ZXDB: variants seen among roughly 807,000 people sequenced by gnomAD.
ZXDB encodes the protein zinc finger X-linked duplicated B, also known as zinc finger X-linked protein ZXDB.
For missense variants in ZXDB, 413 were observed against 679.1 expected (o/e 0.61, Z 4.36); for synonymous variants, 273 against 314.3 (o/e 0.87, Z 1.39).
rs771525392 is a variant in ZXDB at position 57,592,768 on chromosome X, G to C, written c.720G>C (p.Ala240=). 3.5e-6 allele frequency: 4 copies of C among 1,149,549 alleles called. No individual in the cohort carries two copies. In the African/African-American group the frequency reaches 5.5e-5, roughly 16 times the overall value. 94.7% of individuals were successfully genotyped at this position (1,149,549 alleles called of 1,213,427 possible). The change falls in exon 1 of 1, where the codon GCG becomes GCC. Residue 240 remains alanine, a synonymous_variant. Transcript: ENST00000374888. The part of the protein sequence containing the change: ...DLLLAEPAEP[A]PAPAPEEEAE... ...TGCTAGCTGAGCCGGCCGAACCCGC[G>C]CCAGCTCCGGCGCCTGAGGAGGAGG...
Position 57,594,603 on chromosome X carries a change from A to C in ZXDB, c.*143A>C, listed in dbSNP as rs2057905571. 1 of 810,586 alleles carries C rather than the reference A, an allele frequency of 1.2e-6. No individual in the cohort carries two copies. The highest frequency in any genetic ancestry group is 1.7e-6 in the Non-Finnish European group (1 of 577,349). The allele number at this position is 810,586 out of a possible 1,213,427, so 66.8% of individuals were successfully genotyped here. A position where few individuals can be genotyped will look rare whatever the true frequency, so the allele number is the denominator to read the frequency against. On this transcript the variant is annotated 3_prime_UTR_variant, in exon 1 of 1. Coordinates refer to ENST00000374888, the MANE Select transcript of ZXDB (RefSeq NM_007157.4). ...CCCTGGACTACAAGTTTGGAGATTTAAATTCTGATCTTGAGTTTGGAACTG... is the reference window on the plus strand; with the variant it reads ...CCCTGGACTACAAGTTTGGAGATTTCAATTCTGATCTTGAGTTTGGAACTG...
Position 57,593,331 on chromosome X carries a change from T to C in ZXDB, c.1283T>C (p.Phe428Ser). The change falls in exon 1 of 1, where the codon TTT becomes TCT. Residue 428 changes from phenylalanine to serine, a missense_variant. Physicochemically the swap from Phe to Ser is radical, Grantham distance 155. Transcript: ENST00000374888. ...GAACAGGAACTGTTTTCCTGCTCTT[T>C]TCCTGGCTGCAGCAAACAATATGAC... ...FREQELFSCS[F>S]PGCSKQYDKA... The C allele has an allele frequency of 8.3e-7, 1 of 1,211,796 alleles. No individual in the cohort carries two copies. Among genetic ancestry groups the C allele is most frequent in the Non-Finnish European group, 1.1e-6 (1 of 895,441 alleles).
Position 57,592,585 on chromosome X carries a change from C to T in ZXDB, c.537C>T (p.Arg179=), listed in dbSNP as rs1470752250. The T allele has an allele frequency of 1.8e-5, 21 of 1,198,748 alleles. No individual in the cohort carries two copies. Among genetic ancestry groups the T allele is most frequent in the Non-Finnish European group, 2.4e-5 (21 of 890,752 alleles). ...VTIHNQDLLL[R]FENGVLTLAT... is the part of the protein sequence containing the mutation. ...TCCACAACCAGGACCTGCTGTTGCG[C>T]TTTGAGAACGGCGTCCTCACCCTGG... Residue 179 remains arginine, a synonymous_variant, in exon 1 of 1, where the codon CGC becomes CGT. Transcript: ENST00000374888.
rs972225961 is a variant in ZXDB, at chrX:57,594,423, A to G, written c.2375A>G (p.Asp792Gly). The change falls in exon 1 of 1, where the codon GAT becomes GGT. Residue 792 changes from aspartate to glycine, a missense_variant. Coordinates refer to ENST00000374888, the MANE Select transcript of ZXDB (RefSeq NM_007157.4). ...AGNHGSQKET[D>G]LITVTGSSFL... ...AACCATGGTTCTCAGAAAGAAACAG[A>G]TCTTATCACTGTGACTGGCAGCTCA... 8.3e-7 allele frequency: 1 copy of G among 1,210,064 alleles called. No individual in the cohort carries two copies. Among genetic ancestry groups the G allele is most frequent in the African/African-American group, 1.7e-5 (1 of 57,794 alleles).
chrX:57,592,506 C>T lies in ZXDB; in HGVS notation c.458C>T (p.Pro153Leu). Residue 153 changes from proline (P) to leucine (L), a missense_variant, in exon 1 of 1, where the codon CCG becomes CTG. Coordinates refer to ENST00000374888, the MANE Select transcript of ZXDB (RefSeq NM_007157.4). ...CGCTGCCTGTCCGCGGTTCCCACTC[C>T]GGCCCCGATCTCCGCCCCCGGCCCC... ...GPRCLSAVPT[P>L]APISAPGPAA... 3 of 1,183,837 alleles carry T rather than the reference C, an allele frequency of 2.5e-6. No homozygotes were observed. Among genetic ancestry groups the T allele is most frequent in the Non-Finnish European group, 2.3e-6 (2 of 883,177 alleles).
rs958454614 is a variant in ZXDB at position 57,594,833 on chromosome X, C to T, written c.*373C>T. 3 of 154,158 alleles carry T rather than the reference C, an allele frequency of 1.9e-5. No individual in the cohort carries two copies. The highest frequency in any genetic ancestry group is 3.1e-3 in the Middle Eastern group (1 of 324). The allele number at this position is 154,158 out of a possible 1,213,427, so 12.7% of individuals were successfully genotyped here. On this transcript the variant is annotated 3_prime_UTR_variant, in exon 1 of 1. Transcript: ENST00000374888. ...TTTTTAACTGCCCCCCCAGCCCTGA[C>T]ATGTTCTTTTTTTGGCAAACATACA...
chrX:57,594,160 G>T lies in ZXDB; in HGVS notation c.2112G>T (p.Gly704=). The T allele has an allele frequency of 8.3e-7, 1 of 1,198,929 alleles. No homozygotes were observed. Among genetic ancestry groups the T allele is most frequent in the Non-Finnish European group, 1.1e-6 (1 of 888,615 alleles). The change falls in exon 1 of 1, where the codon GGG becomes GGT. Residue 704 remains glycine (G), a synonymous_variant. Transcript: ENST00000374888. ...NMDEVSSVSV[G]PLGSLDSLAM... ...ATGAGGTCTCAAGTGTAAGTGTGGG[G>T]CCATTGGGATCTCTGGACTCTTTGG...
rs1409823610 is a variant in ZXDB, at chrX:57,596,903, G to T, written c.*2443G>T. 8.1e-6 allele frequency: 1 copy of T among 123,613 alleles called. No individual in the cohort carries two copies. The highest frequency in any genetic ancestry group is 1.9e-5 in the Non-Finnish European group (1 of 53,318). The allele number at this position is 123,613 out of a possible 1,213,427, so 10.2% of individuals were successfully genotyped here. On this transcript the variant is annotated 3_prime_UTR_variant, in exon 1 of 1. Coordinates refer to ENST00000374888, the MANE Select transcript of ZXDB (RefSeq NM_007157.4). The stretch of plus-strand genomic sequence containing the variant: ...CATACAGGAAGAAGTTATTTTCTGA[G>T]CTTAGATAATACTATGTGTATATGT...
chrX:57,594,817 G>GC lies in ZXDB; in HGVS notation c.*364dup, dbSNP rs753943865. The GC allele has an allele frequency of 8.0e-4, 127 of 159,566 alleles. No individual in the cohort carries two copies. The highest frequency in any genetic ancestry group is 3.7e-3 in the African/African-American group (116 of 31,164). 13.2% of individuals were successfully genotyped at this position (159,566 alleles called of 1,213,427 possible). ...ATGTGGCATGCGTTTTTTTTTAACT[G>GC]CCCCCCCAGCCCTGACATGTTCTTT... On this transcript the variant is annotated 3_prime_UTR_variant, in exon 1 of 1. Transcript: ENST00000374888.
Position 57,592,868 on chromosome X carries a change from C to T in ZXDB, c.820C>T (p.Pro274Ser), listed in dbSNP as rs746598861. 7.6e-6 allele frequency: 9 copies of T among 1,180,294 alleles called. No individual in the cohort carries two copies. The highest frequency in any genetic ancestry group is 1.0e-5 in the Non-Finnish European group (9 of 880,496). Residue 274 changes from proline to serine, a missense_variant, in exon 1 of 1, where the codon CCC becomes TCC. Coordinates refer to ENST00000374888, the MANE Select transcript of ZXDB (RefSeq NM_007157.4). ...SGPGVVLYLC[P>S]EAQCGQTFAK... ...CCCAGGCGTGGTGCTGTACTTGTGCCCCGAGGCGCAGTGCGGGCAAACCTT... is the reference window on the plus strand; with the variant it reads ...CCCAGGCGTGGTGCTGTACTTGTGCTCCGAGGCGCAGTGCGGGCAAACCTT...
rs1193115396 is a variant in ZXDB at position 57,594,526 on chromosome X, G to A, written c.*66G>A. 7 of 1,115,979 alleles carry A rather than the reference G, an allele frequency of 6.3e-6. No homozygotes were observed. The highest frequency in any genetic ancestry group is 8.4e-6 in the Non-Finnish European group (7 of 837,490). The allele number at this position is 1,115,979 out of a possible 1,213,427, so 92.0% of individuals were successfully genotyped here. A position where few individuals can be genotyped will look rare whatever the true frequency, so the allele number is the denominator to read the frequency against. On this transcript the variant is annotated 3_prime_UTR_variant, in exon 1 of 1. Transcript: ENST00000374888. ...TACAGTCAATTTTGAGGATATTCTG[G>A]ACTAAATATTTAAGTGCAGTCATTT... is the stretch of plus-strand genomic sequence containing the variant.
Position 57,594,029 on chromosome X carries a change from G to A in ZXDB, c.1981G>A (p.Asp661Asn). 1 of 1,113,951 alleles carries A rather than the reference G, an allele frequency of 9.0e-7. No homozygotes were observed. The highest frequency in any genetic ancestry group is 1.2e-6 in the Non-Finnish European group (1 of 820,100). The allele number at this position is 1,113,951 out of a possible 1,213,427, so 91.8% of individuals were successfully genotyped here. A position where few individuals can be genotyped will look rare whatever the true frequency, so the allele number is the denominator to read the frequency against. Residue 661 changes from aspartate (D) to asparagine (N), a missense_variant, in exon 1 of 1, where the codon GAC (aspartate) becomes AAC (asparagine). Physicochemically the swap from Asp to Asn is conservative, Grantham distance 23. Transcript: ENST00000374888. Reference protein sequence around the residue: ...NNNNSVGQAVDPPSLMATSDP... With the variant: ...NNNNSVGQAVNPPSLMATSDP... Reference sequence around the variant, plus strand: ...TAATAATTCCGTAGGGCAGGCTGTGGACCCTCCGTCCTTGATGGCCACCAG... The same window carrying A: ...TAATAATTCCGTAGGGCAGGCTGTGAACCCTCCGTCCTTGATGGCCACCAG...
chrX:57,592,628 G>T lies in ZXDB; in HGVS notation c.580G>T (p.Ala194Ser). 1 of 1,193,587 alleles carries T rather than the reference G, an allele frequency of 8.4e-7. No individual in the cohort carries two copies. Among genetic ancestry groups the T allele is most frequent in the South Asian group, 1.8e-5 (1 of 54,819 alleles). Residue 194 changes from alanine to serine, a missense_variant, in exon 1 of 1, where the codon GCC (alanine) becomes TCC (serine). Physicochemically the swap from Ala to Ser is moderately conservative, Grantham distance 99. Coordinates refer to ENST00000374888, the MANE Select transcript of ZXDB (RefSeq NM_007157.4). ...CACCCTGGCCACGCCCCCACCACAC[G>T]CCTGGGAGCCAGGGGCCGCTCCTGC... The part of the protein sequence containing the change: ...VLTLATPPPH[A>S]WEPGAAPAQQ...
In ZXDB at chrX:57,594,599, A is replaced by G. The variant is rs1266445393; in HGVS notation, c.*139A>G. 1.2e-6 allele frequency: 1 copy of G among 827,656 alleles called. No individual in the cohort carries two copies. Among genetic ancestry groups the G allele is most frequent in the Non-Finnish European group, 1.7e-6 (1 of 593,452 alleles). The allele number at this position is 827,656 out of a possible 1,213,427, so 68.2% of individuals were successfully genotyped here. On this transcript the variant is annotated 3_prime_UTR_variant, in exon 1 of 1. Coordinates refer to ENST00000374888, the MANE Select transcript of ZXDB (RefSeq NM_007157.4). ...ACAGCCCTGGACTACAAGTTTGGAG[A>G]TTTAAATTCTGATCTTGAGTTTGGA...
rs2057896908 is a variant in ZXDB at position 57,592,478 on chromosome X, C to A, written c.430C>A (p.Pro144Thr). Residue 144 changes from proline to threonine, a missense_variant, in exon 1 of 1, where the codon CCC (proline) becomes ACC (threonine). Transcript: ENST00000374888. Reference protein sequence around the residue: ...ANPAGPTALGPRCLSAVPTPA... With the variant: ...ANPAGPTALGTRCLSAVPTPA... The stretch of plus-strand genomic sequence containing the variant: ...TCCCGCGGGGCCCACTGCGCTAGGC[C>A]CCCGCTGCCTGTCCGCGGTTCCCAC... 6 of 1,181,835 alleles carry A rather than the reference C, an allele frequency of 5.1e-6. No homozygotes were observed. The highest frequency in any genetic ancestry group is 6.8e-6 in the Non-Finnish European group (6 of 882,571).
rs1271951443 is a variant in ZXDB at position 57,596,920 on chromosome X, T to G, written c.*2460T>G. On this transcript the variant is annotated 3_prime_UTR_variant, in exon 1 of 1. Coordinates refer to ENST00000374888, the MANE Select transcript of ZXDB (RefSeq NM_007157.4). The stretch of plus-strand genomic sequence containing the variant: ...TTTTCTGAGCTTAGATAATACTATG[T>G]GTATATGTGATTAAAATGAAGATTA... The G allele has an allele frequency of 8.1e-6, 1 of 123,769 alleles. No individual in the cohort carries two copies. The highest frequency in any genetic ancestry group is 1.9e-5 in the Non-Finnish European group (1 of 53,326). The allele number at this position is 123,769 out of a possible 1,213,427, so 10.2% of individuals were successfully genotyped here. A position where few individuals can be genotyped will look rare whatever the true frequency, so the allele number is the denominator to read the frequency against.
Position 57,593,179 on chromosome X carries a change from C to T in ZXDB, c.1131C>T (p.Ala377=). The part of the protein sequence containing the change: ...EVCEESFPTQ[A]KLSAHQRSHF... ...GCGAGGAGAGCTTCCCCACGCAGGC[C>T]AAACTCAGCGCCCACCAGCGCAGCC... The change falls in exon 1 of 1, where the codon GCC becomes GCT. Residue 377 remains alanine, a synonymous_variant. Transcript: ENST00000374888. 1 of 1,211,929 alleles carries T rather than the reference C, an allele frequency of 8.3e-7. No homozygotes were observed. The highest frequency in any genetic ancestry group is 1.1e-6 in the Non-Finnish European group (1 of 895,596).
Position 57,593,739 on chromosome X carries a change from T to G in ZXDB, c.1691T>G (p.Met564Arg), listed in dbSNP as rs762417457. The G allele has an allele frequency of 8.3e-7, 1 of 1,209,222 alleles. No homozygotes were observed. The highest frequency in any genetic ancestry group is 1.8e-5 in the South Asian group (1 of 56,810). The change falls in exon 1 of 1, where the codon ATG (methionine) becomes AGG (arginine). Residue 564 changes from methionine to arginine, a missense_variant. Met to Arg is a moderately conservative substitution (Grantham distance 91). Coordinates refer to ENST00000374888, the MANE Select transcript of ZXDB (RefSeq NM_007157.4). The stretch of plus-strand genomic sequence containing the variant: ...AAACTCTTCACATCCAAGCACAGCA[T>G]GAAGACGCACATGGTTAAAAGGCAT... ...CNKLFTSKHS[M>R]KTHMVKRHKV... is the part of the protein sequence containing the mutation.
rs774905100 is a variant in ZXDB, at chrX:57,597,135, T to A, written c.*2675T>A. Reference sequence around the variant, plus strand: ...GCAGTGCACTAAAATTTTGCCACTATGAAATGTTTCTTTATTGTGTGTGCG... The same window carrying A: ...GCAGTGCACTAAAATTTTGCCACTAAGAAATGTTTCTTTATTGTGTGTGCG... On this transcript the variant is annotated 3_prime_UTR_variant, in exon 1 of 1. Coordinates refer to ENST00000374888, the MANE Select transcript of ZXDB (RefSeq NM_007157.4). The A allele has an allele frequency of 1.6e-5, 2 of 123,486 alleles. No individual in the cohort carries two copies. Among genetic ancestry groups the A allele is most frequent in the South Asian group, 7.4e-4 (2 of 2,705 alleles). 10.2% of individuals were successfully genotyped at this position (123,486 alleles called of 1,213,427 possible). A position where few individuals can be genotyped will look rare whatever the true frequency, so the allele number is the denominator to read the frequency against.
Sources: allele counts gnomAD v4.1 joint callset, GRCh38; gene constraint gnomAD v4.1.1; transcripts MANE v1.5; gene names NCBI Gene and HGNC (gene_info 2026-07-23, HGNC 2026-07-21).